The following UBE2L3 variants were observed in gnomAD, a reference collection of about 807,000 sequenced individuals.
UBE2L3 encodes ubiquitin-conjugating enzyme E2 L3.
Under a neutral mutation model 17.8 loss-of-function variants are expected in UBE2L3, and 1 was observed. That is an observed-to-expected ratio of 0.06 (90% CI 0.02 to 0.27). UBE2L3 has a LOEUF of 0.27. Ranked by LOEUF, UBE2L3 falls within the 10% of genes least tolerant of loss-of-function variation. The pLI is 1.00. For synonymous variants in UBE2L3, 44 were observed against 68.5 expected, an observed-to-expected ratio of 0.64 and a Z score of 1.76; for missense variants, 40 against 192.6, an observed-to-expected ratio of 0.21 and a Z score of 4.69.
At chr22:21,568,854 C>T (rs1367539418) in intron 1 of UBE2L3, among the ~76,000 whole-genome samples, 2 of 152,182 alleles carry the variant, frequency 1.3e-5, no homozygotes, top group East Asian at 3.8e-4. Flanking sequence ...AGTCTCTGAG[C>T]ATTCCCTCCG....
chr22:21,551,970 TACAC>T (rs1241536417), intron 1 of UBE2L3, among the ~76,000 whole-genome samples: 1 of 97,254 alleles, frequency 1.0e-5, no homozygotes, highest in African/African-American at 4.7e-5. Flanking sequence ...GAAACATACA[TACAC>T]ACACTGAACT....
intron 1 of UBE2L3, among the ~76,000 whole-genome samples, chr22:21,574,362 G>A (rs1479361440): frequency 6.6e-6 from 1 of 152,164 alleles, no homozygotes; most frequent in Non-Finnish European, 1.5e-5. Context: ...GTGTGTGAAG[G>A]TTAAATGAGT....
intron 1 of UBE2L3, among the ~76,000 whole-genome samples, chr22:21,592,263 A>AC (rs1263098889): frequency 5.3e-5 from 7 of 133,304 alleles, no homozygotes; most frequent in East Asian, 4.7e-4. Context: ...TCCCGTCCCC[A>AC]CCCCCCCACT....
At chr22:21,568,203 G>T in intron 1 of UBE2L3, 4 of 992,360 alleles carry the variant, frequency 4.0e-6, no homozygotes, top group African/African-American at 1.7e-5. Flanking sequence ...GCCGCAGCGC[G>T]CCGGGCTTGC....
At chr22:21,616,805 T>G (rs1371445918) in intron 3 of UBE2L3, among the ~76,000 whole-genome samples, 1 of 151,340 alleles carries the variant, frequency 6.6e-6, no homozygotes, top group East Asian at 2.0e-4. Context: ...TCTTTTTGGG[T>G]TGAAGGTACA....
chr22:21,591,527 A>T (rs1018443156), intron 1 of UBE2L3, among the ~76,000 whole-genome samples: 2 of 152,204 alleles, frequency 1.3e-5, no homozygotes, highest in African/African-American at 4.8e-5. Flanking sequence ...GGCGCCCAGC[A>T]CATCTTCCTA....
intron 1 of UBE2L3, among the ~76,000 whole-genome samples, chr22:21,584,204 G>C (rs1426038184): frequency 7.2e-6 from 1 of 139,116 alleles, no homozygotes; most frequent in Non-Finnish European, 1.5e-5. Context: ...TTGAGACAGA[G>C]TCTCGCTCTG....
At chr22:21,556,559 A>G (rs1471425663) in intron 1 of UBE2L3, among the ~76,000 whole-genome samples, 1 of 152,034 alleles carries the variant, frequency 6.6e-6, no homozygotes, top group Non-Finnish European at 1.5e-5. Context: ...CCTCCCGAGT[A>G]GCTGTGACTA....
intron 1 of UBE2L3, among the ~76,000 whole-genome samples, chr22:21,562,497 G>C (rs1200129805): frequency 1.3e-5 from 2 of 150,920 alleles, no homozygotes; most frequent in African/African-American, 4.9e-5. Context: ...TCAACCTCCC[G>C]AGTAGCTGGG....
At chr22:21,593,041 T>C in intron 2 of UBE2L3, 85 bp downstream of exon 2, 1 of 1,179,912 alleles carries the variant, frequency 8.5e-7, no homozygotes, top group Non-Finnish European at 1.3e-6. Flanking sequence ...TGCTCCTTAG[T>C]AGGCTCTTAG....
chr22:21,573,179 C>T (rs551784642), intron 1 of UBE2L3, among the ~76,000 whole-genome samples: 1 of 152,248 alleles, frequency 6.6e-6, no homozygotes, highest in South Asian at 2.1e-4. Flanking sequence ...TAGAGAAGTG[C>T]ACATGAGCAG....
intron 1 of UBE2L3, among the ~76,000 whole-genome samples, chr22:21,557,764 A>G (rs1926289354): frequency 6.6e-6 from 1 of 152,212 alleles, no homozygotes; most frequent in Non-Finnish European, 1.5e-5. Context: ...CTCGTGATCC[A>G]CCCTCTTTGG....
intron 2 of UBE2L3, among the ~76,000 whole-genome samples, chr22:21,603,899 GT>G (rs1161694216): frequency 7.2e-6 from 1 of 138,592 alleles, no homozygotes; most frequent in African/African-American, 2.7e-5. Context: ...TTGAAAAGGT[GT>G]TTTTTGATTT....
chr22:21,583,933 G>A (rs927075916), intron 1 of UBE2L3, among the ~76,000 whole-genome samples: 1 of 152,066 alleles, frequency 6.6e-6, no homozygotes, highest in Non-Finnish European at 1.5e-5. Flanking sequence ...GGAGTTCAAT[G>A]GAGCGATCTT....
Position 21,608,933 on chromosome 22 carries a change from C to T in UBE2L3, c.124-1924C>T, listed in dbSNP as rs188179705. On this transcript the variant is annotated intron_variant, in intron 2 of 3. Transcript: ENST00000342192. ...TTTTTGAGACTCAGTCTCGCTCTTT[C>T]GTCCAGGCCAGACTGCAGTGGCGCA... Among the ~76,000 whole-genome samples, 519 of 151,542 alleles carry T rather than the reference C, an allele frequency of 3.4e-3. 2 individuals are homozygous for T. The highest frequency in any genetic ancestry group is 0.012 in the African/African-American group (479 of 41,304).
chr22:21,591,450 C>T (rs1928259594), intron 1 of UBE2L3, among the ~76,000 whole-genome samples: 1 of 152,208 alleles, frequency 6.6e-6, no homozygotes, highest in Non-Finnish European at 1.5e-5. Context: ...TGCTATGAAG[C>T]ACCAGTGTGT....
intron 1 of UBE2L3, among the ~76,000 whole-genome samples, chr22:21,581,608 C>T (rs1259803481): frequency 2.0e-5 from 3 of 152,036 alleles, no homozygotes; most frequent in Non-Finnish European, 4.4e-5. Context: ...TCGAGACCAG[C>T]CTGACCAACA....
intron 1 of UBE2L3, among the ~76,000 whole-genome samples, chr22:21,572,422 CAAA>C (rs140497): frequency 2.9e-5 from 3 of 104,800 alleles, no homozygotes; most frequent in Non-Finnish European, 1.8e-5. Context: ...GACTCCGTCT[CAAA>C]AAAAAAAAAA....
intron 2 of UBE2L3, among the ~76,000 whole-genome samples, chr22:21,607,314 C>A (rs1183080031): frequency 6.6e-6 from 1 of 151,432 alleles, no homozygotes; most frequent in African/African-American, 2.4e-5. Context: ...CAAGACCAGG[C>A]TGGCCAACAT....
Sources: allele counts gnomAD v4.1 joint callset (sites outside exome capture counted in the v4.1 genomes callset), GRCh38; gene constraint gnomAD v4.1.1; transcripts MANE v1.5; gene names NCBI Gene and HGNC (gene_info 2026-07-23, HGNC 2026-07-21).